CFDP1: variants seen among roughly 807,000 people sequenced by gnomAD.
The protein encoded by CFDP1 is chromatin remodeling protein CFDP1.
In CFDP1, 31 loss-of-function variants were observed where a neutral mutation model predicts 40.1. That is an observed-to-expected ratio of 0.77 (90% CI 0.58 to 1.04). The LOEUF is 1.04. CFDP1 is among the 50% of genes least tolerant of loss of function. CFDP1 has a pLI of 0.00. For synonymous variants in CFDP1, 167 were observed against 120.0 expected (o/e 1.39, Z -2.56); for missense variants, 423 against 343.4 (o/e 1.23, Z -1.83).
chr16:75,314,861 C>T (rs548500684), intron 5 of CFDP1, among the ~76,000 whole-genome samples: 13 of 152,260 alleles, frequency 8.5e-5, no homozygotes, highest in African/African-American at 2.6e-4. Context: ...AAGCAATTCT[C>T]CTGTCTCAGC....
intron 5 of CFDP1, among the ~76,000 whole-genome samples, chr16:75,344,070 T>C (rs939372300): frequency 3.3e-5 from 5 of 152,248 alleles, no homozygotes; most frequent in African/African-American, 9.6e-5. Flanking sequence ...GTGCAATTAC[T>C]GTATGACAAC....
chr16:75,303,044 AC>A (rs1043231525), intron 6 of CFDP1, among the ~76,000 whole-genome samples: 1 of 152,098 alleles, frequency 6.6e-6, no homozygotes, highest in Non-Finnish European at 1.5e-5. Flanking sequence ...TACTAAAAAT[AC>A]AAAAATTAGC....
chr16:75,382,841 C>T (rs1411720014), intron 5 of CFDP1, among the ~76,000 whole-genome samples: 4 of 151,534 alleles, frequency 2.6e-5, no homozygotes, highest in Non-Finnish European at 4.4e-5. Context: ...AACTCTTCTC[C>T]TTTTGTTTCC....
At chr16:75,333,439 G>A (rs1295380758) in intron 5 of CFDP1, among the ~76,000 whole-genome samples, 1 of 152,124 alleles carries the variant, frequency 6.6e-6, no homozygotes, top group East Asian at 1.9e-4. Context: ...TGTTCTTAAT[G>A]ACATCTTTCG....
At chr16:75,399,801 C>T (rs144762605) in intron 4 of CFDP1, among the ~76,000 whole-genome samples, 1 of 151,740 alleles carries the variant, frequency 6.6e-6, no homozygotes, top group African/African-American at 2.4e-5. Context: ...CCTAACTCTA[C>T]AAAAAATTTT....
At chr16:75,302,921 C>G (rs751689652) in intron 6 of CFDP1, among the ~76,000 whole-genome samples, 1 of 152,022 alleles carries the variant, frequency 6.6e-6, no homozygotes, top group Non-Finnish European at 1.5e-5. Context: ...TAGGGCTGGG[C>G]GTGGTGGCTC....
intron 1 of CFDP1, among the ~76,000 whole-genome samples, chr16:75,431,840 C>A (rs1204648933): frequency 1.3e-5 from 2 of 150,898 alleles, no homozygotes; most frequent in Non-Finnish European, 2.9e-5. Flanking sequence ...ATACCAAATT[C>A]AAAAGGTGGA....
intron 5 of CFDP1, among the ~76,000 whole-genome samples, chr16:75,312,941 GC>G (rs1224301149): frequency 6.6e-6 from 1 of 152,164 alleles, no homozygotes; most frequent in Non-Finnish European, 1.5e-5. Flanking sequence ...GGGTATAGGG[GC>G]TCTGAAGTGA....
At chr16:75,335,786 G>A (rs1325635266) in intron 5 of CFDP1, among the ~76,000 whole-genome samples, 1 of 152,036 alleles carries the variant, frequency 6.6e-6, no homozygotes, top group Non-Finnish European at 1.5e-5. Context: ...TCGATCTCCT[G>A]ACCTTGTGAT....
At chr16:75,312,462 A>C (rs1373569948) in intron 5 of CFDP1, among the ~76,000 whole-genome samples, 2 of 152,224 alleles carry the variant, frequency 1.3e-5, no homozygotes, top group East Asian at 3.8e-4. Flanking sequence ...AAGTAGCAAC[A>C]GCTTTACCTT....
chr16:75,430,161 T>G (rs868284450), intron 1 of CFDP1, among the ~76,000 whole-genome samples: 1 of 110,538 alleles, frequency 9.0e-6, no homozygotes, highest in Non-Finnish European at 2.2e-5. Flanking sequence ...AGACCAGAGG[T>G]TTTTTTTGTT....
chr16:75,427,828 A>G (rs1253253762), intron 1 of CFDP1, among the ~76,000 whole-genome samples: 1 of 152,234 alleles, frequency 6.6e-6, no homozygotes, highest in African/African-American at 2.4e-5. Context: ...ATCATAAAAA[A>G]TTGGAAACAA....
intron 1 of CFDP1, among the ~76,000 whole-genome samples, chr16:75,416,161 C>A (rs1202268259): frequency 1.3e-5 from 2 of 152,022 alleles, no homozygotes; most frequent in Non-Finnish European, 2.9e-5. Context: ...CTCCAATCAG[C>A]TTTTAAATAC....
At chr16:75,407,578 G>C (rs1002783345) in intron 4 of CFDP1, among the ~76,000 whole-genome samples, 2 of 150,642 alleles carry the variant, frequency 1.3e-5, no homozygotes, top group Non-Finnish European at 2.9e-5. Flanking sequence ...TACTCAGGAG[G>C]CTGAGGTCGG....
intron 5 of CFDP1, among the ~76,000 whole-genome samples, chr16:75,347,359 A>AAAAAAAAAAAAAAAAAAAAG (rs1555556963): frequency 5.6e-5 from 3 of 53,668 alleles, no homozygotes; most frequent in African/African-American, 2.4e-4. Flanking sequence ...AAAAAAAAAA[A>AAAAAAAAAAAAAAAAAAAAG]AAAAAGAAAA....
chr16:75,302,203 C>T (rs1008301607), intron 6 of CFDP1, among the ~76,000 whole-genome samples: 2 of 152,290 alleles, frequency 1.3e-5, no homozygotes, highest in Admixed American at 1.3e-4. Context: ...CCCTTCCAGT[C>T]TACATTTTGT....
intron 5 of CFDP1, among the ~76,000 whole-genome samples, chr16:75,362,645 T>A (rs1000062648): frequency 6.6e-6 from 1 of 152,144 alleles, no homozygotes; most frequent in Non-Finnish European, 1.5e-5. Flanking sequence ...TACTCTTTCC[T>A]CTTCCATTCC....
chr16:75,310,744 C>T (rs1418033846), intron 5 of CFDP1, among the ~76,000 whole-genome samples: 1 of 152,184 alleles, frequency 6.6e-6, no homozygotes, highest in Non-Finnish European at 1.5e-5. Flanking sequence ...AAAAGAGGTA[C>T]TGGAAAGGAG....
At chr16:75,323,236 A>C (rs530811298) in intron 5 of CFDP1, among the ~76,000 whole-genome samples, 1 of 151,914 alleles carries the variant, frequency 6.6e-6, no homozygotes, top group African/African-American at 2.4e-5. Context: ...TTAAAAAAAA[A>C]AAAACTAAGA....
Sources: gnomAD v4.1 joint callset for allele counts (sites outside exome capture counted in the v4.1 genomes callset) on GRCh38, gnomAD v4.1.1 for gene constraint, MANE v1.5 for transcripts, NCBI Gene and HGNC (gene_info 2026-07-23, HGNC 2026-07-21) for gene names.